AGBL4: variants seen among roughly 807,000 people sequenced by gnomAD.
AGBL4 encodes cytosolic carboxypeptidase 6.
Under a neutral mutation model 66.4 loss-of-function variants are expected in AGBL4, and 58 were observed. The ratio of observed to expected loss-of-function variants is 0.87; its 90% CI spans 0.71 to 1.09. The LOEUF (loss-of-function observed/expected upper bound fraction) is 1.09, where lower values mean the gene tolerates loss of function less well. AGBL4 is among the 50% of genes least tolerant of loss of function. The pLI is 0.00. For missense variants in AGBL4, 579 were observed against 631.0 expected, an observed-to-expected ratio of 0.92 and a Z score of 0.88; for synonymous variants, 234 against 222.9, an observed-to-expected ratio of 1.05 and a Z score of -0.44.
intron 6 of AGBL4, among the ~76,000 whole-genome samples, chr1:48,755,117 A>G (rs1652345495): frequency 6.6e-6 from 1 of 152,192 alleles, no homozygotes; most frequent in Non-Finnish European, 1.5e-5. Flanking sequence ...CCTCTGAAAC[A>G]TACTCTCTTG....
At chr1:48,780,241 T>A (rs911899287) in intron 6 of AGBL4, among the ~76,000 whole-genome samples, 8 of 142,196 alleles carry the variant, frequency 5.6e-5, no homozygotes. Flanking sequence ...CGTATCTATG[T>A]GTTCTCATTG....
chr1:49,465,420 C>G (rs1021179150), intron 3 of AGBL4, among the ~76,000 whole-genome samples: 4 of 151,648 alleles, frequency 2.6e-5, no homozygotes, highest in African/African-American at 9.7e-5. Context: ...CCTTACCTAC[C>G]CTGCCAGACT....
chr1:48,715,527 C>G (rs574129653), intron 6 of AGBL4, among the ~76,000 whole-genome samples: 1 of 152,228 alleles, frequency 6.6e-6, no homozygotes, highest in Non-Finnish European at 1.5e-5. Context: ...CCCCATTATC[C>G]TGGTGCTAGT....
At chr1:49,836,689 C>G (rs1017667248) in intron 2 of AGBL4, among the ~76,000 whole-genome samples, 4 of 152,194 alleles carry the variant, frequency 2.6e-5, no homozygotes, top group African/African-American at 9.6e-5. Flanking sequence ...CCTTTTTACA[C>G]TGGTTTTTCC....
intron 1 of AGBL4, among the ~76,000 whole-genome samples, chr1:49,878,682 G>A (rs951128050): frequency 5.3e-5 from 8 of 151,610 alleles, no homozygotes; most frequent in Non-Finnish European, 1.0e-4. Flanking sequence ...AGGTCCACTT[G>A]GTGCAGAGCT....
chr1:49,177,184 T>G (rs1340739399), intron 4 of AGBL4, among the ~76,000 whole-genome samples: 1 of 152,164 alleles, frequency 6.6e-6, no homozygotes, highest in Non-Finnish European at 1.5e-5. Flanking sequence ...GCATCCTTAG[T>G]CGAGTCATTT....
intron 3 of AGBL4, among the ~76,000 whole-genome samples, chr1:49,624,575 C>G (rs532221005): frequency 1.3e-5 from 2 of 152,302 alleles, no homozygotes; most frequent in Admixed American, 1.3e-4. Flanking sequence ...TTAAACGCAG[C>G]TGACTCAATT....
At chr1:48,810,383 T>C (rs534573724) in intron 6 of AGBL4, among the ~76,000 whole-genome samples, 4 of 152,366 alleles carry the variant, frequency 2.6e-5, no homozygotes, top group South Asian at 4.1e-4. Flanking sequence ...ATGTGCCTGA[T>C]TGATGTGGAT....
At chr1:48,644,480 C>T (rs1357378920) in intron 8 of AGBL4, among the ~76,000 whole-genome samples, 1 of 152,156 alleles carries the variant, frequency 6.6e-6, no homozygotes, top group Non-Finnish European at 1.5e-5. Context: ...AAGCCCACCT[C>T]ATATTCCCCA....
At chr1:48,548,778 C>T (rs2148278469) in intron 11 of AGBL4, among the ~76,000 whole-genome samples, 1 of 152,312 alleles carries the variant, frequency 6.6e-6, no homozygotes, top group Non-Finnish European at 1.5e-5. Context: ...TAGTTGTGGG[C>T]CATGGCAGCT....
At chr1:48,569,677 T>C (rs1644528798) in intron 11 of AGBL4, among the ~76,000 whole-genome samples, 1 of 152,284 alleles carries the variant, frequency 6.6e-6, no homozygotes, top group South Asian at 2.1e-4. Flanking sequence ...AGCAGTGTAC[T>C]GTGGTAGCAA....
At chr1:48,730,046 G>C (rs768663710) in intron 6 of AGBL4, among the ~76,000 whole-genome samples, 2 of 152,100 alleles carry the variant, frequency 1.3e-5, no homozygotes, top group African/African-American at 2.4e-5. Context: ...CATTCTTCCA[G>C]ATTCAGCTTT....
intron 3 of AGBL4, among the ~76,000 whole-genome samples, chr1:49,492,688 G>A (rs895460161): frequency 6.6e-6 from 1 of 151,922 alleles, no homozygotes; most frequent in African/African-American, 2.4e-5. Context: ...TATTAAGACA[G>A]GCCTTCATCC....
At chr1:49,011,888 G>T (rs1358714594) in intron 5 of AGBL4, among the ~76,000 whole-genome samples, 1 of 24,470 alleles carries the variant, frequency 4.1e-5, no homozygotes. Context: ...TTGTGGGGTG[G>T]GGGGTGGGGG....
chr1:48,613,230 G>A (rs956748670), intron 9 of AGBL4, among the ~76,000 whole-genome samples: 1 of 151,986 alleles, frequency 6.6e-6, no homozygotes, highest in African/African-American at 2.4e-5. Context: ...AATGAGAGAG[G>A]TTAAATAACT....
rs372985740 is a variant in AGBL4 at position 49,825,975 on chromosome 1, C to T, written c.157+25421G>A. ...TAATAAAAAAAAACAAAACTTACAA[C>T]CAGAACTGTTTGTTTCCAAAGCTAG... On this transcript the variant is annotated intron_variant, in intron 2 of 13. Coordinates refer to ENST00000371839, the MANE Select transcript of AGBL4 (RefSeq NM_032785.4). Among the ~76,000 whole-genome samples the T allele has an allele frequency of 1.4e-3, 211 of 151,936 alleles. 1 individual carries two copies. The highest frequency in any genetic ancestry group is 4.8e-3 in the African/African-American group (197 of 41,452).
At chr1:48,781,668 A>C (rs974648120) in intron 6 of AGBL4, among the ~76,000 whole-genome samples, 2 of 152,224 alleles carry the variant, frequency 1.3e-5, no homozygotes, top group Non-Finnish European at 2.9e-5. Context: ...GAAGCTTACT[A>C]GCTCCCCTTA....
intron 5 of AGBL4, among the ~76,000 whole-genome samples, chr1:48,973,320 A>G (rs1207876720): frequency 6.6e-6 from 1 of 152,184 alleles, no homozygotes; most frequent in Non-Finnish European, 1.5e-5. Context: ...AACTGTGTAC[A>G]TATCACATTT....
chr1:49,175,198 A>G (rs888118661), intron 4 of AGBL4: 1 of 152,084 alleles, frequency 6.6e-6, no homozygotes, highest in African/African-American at 2.4e-5. Flanking sequence ...CTAAGAAATT[A>G]TTATAAAAAT....
Sources: allele counts gnomAD v4.1 joint callset (sites outside exome capture counted in the v4.1 genomes callset), GRCh38; gene constraint gnomAD v4.1.1; transcripts MANE v1.5; gene names NCBI Gene and HGNC (gene_info 2026-07-23, HGNC 2026-07-21).